The following DRC11 variants were observed in gnomAD, a reference collection of about 807,000 sequenced individuals.
DRC11 encodes IQ and AAA domain-containing protein 1.
At chr2:236,379,298 C>A in the DRC11 span, among the ~76,000 whole-genome samples, 2 of 127,708 alleles carry the variant, frequency 1.6e-5, no homozygotes, top group African/African-American at 6.6e-5. Flanking sequence ...GGGAGGGAAC[C>A]CCCAAACAGG....
At chr2:236,442,156 T>C in the DRC11 span, among the ~76,000 whole-genome samples, 1 of 152,172 alleles carries the variant, frequency 6.6e-6, no homozygotes, top group Non-Finnish European at 1.5e-5. Context: ...TTTTAGTTAA[T>C]TTAAAAATAA....
the DRC11 span, among the ~76,000 whole-genome samples, chr2:236,420,256 G>A: frequency 1.2e-4 from 19 of 152,334 alleles, 1 homozygote; most frequent in South Asian, 3.5e-3. The surrounding 1 kb of genome is among the most constrained non-coding windows in gnomAD (Gnocchi z 4.8). Context: ...CTAGTGAGTA[G>A]CTGAGCTGGG....
At chr2:236,311,263 C>T in the DRC11 span, among the ~76,000 whole-genome samples, 2 of 152,238 alleles carry the variant, frequency 1.3e-5, no homozygotes. This position sits in a 1 kb window ranked among gnomAD's most constrained non-coding sequence, Gnocchi z 6.9. Context: ...AAGCGCCACA[C>T]CTGGGTGGGT....
the DRC11 span, among the ~76,000 whole-genome samples, chr2:236,365,297 C>T: frequency 6.6e-6 from 1 of 151,982 alleles, no homozygotes; most frequent in Non-Finnish European, 1.5e-5. This position sits in a 1 kb window ranked among gnomAD's most constrained non-coding sequence, Gnocchi z 7.4. Flanking sequence ...ACAGGGAGTT[C>T]AGAGAAGAAA....
chr2:236,422,072 T>C, the DRC11 span, among the ~76,000 whole-genome samples: 1 of 152,158 alleles, frequency 6.6e-6, no homozygotes, highest in Non-Finnish European at 1.5e-5. Flanking sequence ...TAATAAGAGC[T>C]ATCTATGACA....
At chr2:236,460,669 C>G in the DRC11 span, among the ~76,000 whole-genome samples, 1 of 152,214 alleles carries the variant, frequency 6.6e-6, no homozygotes, top group African/African-American at 2.4e-5. The surrounding 1 kb of genome is among the most constrained non-coding windows in gnomAD (Gnocchi z 4.0). Context: ...AGTAACCCCA[C>G]CACTCTAGCG....
the DRC11 span, among the ~76,000 whole-genome samples, chr2:236,448,670 A>G: frequency 6.6e-6 from 1 of 151,934 alleles, no homozygotes; most frequent in Non-Finnish European, 1.5e-5. The surrounding 1 kb of genome is among the most constrained non-coding windows in gnomAD (Gnocchi z 5.3). Context: ...TCAAGGACAC[A>G]GGCTCTGAGG....
chr2:236,347,265 A>T, the DRC11 span, among the ~76,000 whole-genome samples: 4 of 152,134 alleles, frequency 2.6e-5, 1 homozygote, highest in Admixed American at 2.6e-4. Flanking sequence ...ACATTTTTAC[A>T]CTGCTGGTGG....
At chr2:236,396,181 T>G in the DRC11 span, among the ~76,000 whole-genome samples, 1 of 151,544 alleles carries the variant, frequency 6.6e-6, no homozygotes, top group Non-Finnish European at 1.5e-5. Context: ...AAGCTATTCA[T>G]GGCCCTCAAA....
the DRC11 span, chr2:236,367,926 C>G: frequency 2.1e-6 from 1 of 469,938 alleles, no homozygotes; most frequent in South Asian, 2.1e-5. This position sits in a 1 kb window ranked among gnomAD's most constrained non-coding sequence, Gnocchi z 4.8. Flanking sequence ...CTTGCTTTGC[C>G]TATTATCTCC....
chr2:236,487,933 A>G, the DRC11 span: 13 of 1,131,746 alleles, frequency 1.1e-5, no homozygotes, highest in African/African-American at 1.6e-5. Flanking sequence ...CTCAGCCCCA[A>G]AATTGAGATG....
At chr2:236,497,917 T>C in the DRC11 span, among the ~76,000 whole-genome samples, 1 of 152,198 alleles carries the variant, frequency 6.6e-6, no homozygotes, top group Admixed American at 6.5e-5. This position sits in a 1 kb window ranked among gnomAD's most constrained non-coding sequence, Gnocchi z 5.1. Context: ...GCATACCCTG[T>C]GAATGAATAA....
chr2:236,364,944 G>A, the DRC11 span, among the ~76,000 whole-genome samples: 1 of 152,076 alleles, frequency 6.6e-6, no homozygotes, highest in Admixed American at 6.5e-5. Context: ...AAATAGTTTT[G>A]AGCAAATTCT....
At chr2:236,343,117 G>T in the DRC11 span, among the ~76,000 whole-genome samples, 1 of 152,222 alleles carries the variant, frequency 6.6e-6, no homozygotes. The surrounding 1 kb of genome is among the most constrained non-coding windows in gnomAD (Gnocchi z 6.6). Context: ...GCTTCTTCAC[G>T]GCTTTCAGCT....
At chr2:236,418,081 G>T in the DRC11 span, among the ~76,000 whole-genome samples, 2 of 152,120 alleles carry the variant, frequency 1.3e-5, no homozygotes, top group South Asian at 2.1e-4. Flanking sequence ...AATCCTTTGG[G>T]TATATACCAG....
the DRC11 span, among the ~76,000 whole-genome samples, chr2:236,323,212 C>T: frequency 1.3e-5 from 2 of 152,232 alleles, no homozygotes; most frequent in Non-Finnish European, 2.9e-5. This position sits in a 1 kb window ranked among gnomAD's most constrained non-coding sequence, Gnocchi z 6.4. Context: ...TAAGTGGGGT[C>T]CCATGACACG....
chr2:236,466,789 C>CA, the DRC11 span, among the ~76,000 whole-genome samples: 3 of 152,206 alleles, frequency 2.0e-5, no homozygotes, highest in African/African-American at 7.2e-5. Context: ...CACTGGGAAT[C>CA]ACATTTCAGC....
chr2:236,350,770 C>T, the DRC11 span, among the ~76,000 whole-genome samples: 1 of 152,188 alleles, frequency 6.6e-6, no homozygotes, highest in African/African-American at 2.4e-5. This position sits in a 1 kb window ranked among gnomAD's most constrained non-coding sequence, Gnocchi z 5.2. Flanking sequence ...TTCATCCCAG[C>T]AGGAAGAATG....
At chr2:236,454,078 G>T in the DRC11 span, among the ~76,000 whole-genome samples, 1 of 152,134 alleles carries the variant, frequency 6.6e-6, no homozygotes, top group Non-Finnish European at 1.5e-5. This position sits in a 1 kb window ranked among gnomAD's most constrained non-coding sequence, Gnocchi z 5.3. Flanking sequence ...TGGGGAGCTC[G>T]CTTATCACTT....
Sources: allele counts gnomAD v4.1 joint callset (sites outside exome capture counted in the v4.1 genomes callset), GRCh38; gene constraint gnomAD v4.1.1; non-coding constraint Gnocchi (gnomAD v3.1); transcripts MANE v1.5; gene names NCBI Gene and HGNC (gene_info 2026-07-23, HGNC 2026-07-21).